Variants in IQCJ observed in about 807,000 individuals in gnomAD.
The protein encoded by IQCJ is IQ domain-containing protein J.
A neutral mutation model predicts 11.0 loss-of-function variants in IQCJ; 9 were observed. The ratio of observed to expected loss-of-function variants is 0.82; its 90% CI spans 0.49 to 1.43. The LOEUF is 1.43. IQCJ is among the 40% of genes most tolerant of loss of function. The probability of loss-of-function intolerance (pLI) is 0.00; values close to 1 mark genes in which losing one functional copy is unlikely to be tolerated. For missense variants in IQCJ, 146 were observed against 133.2 expected, an observed-to-expected ratio of 1.10 and a Z score of -0.47; for synonymous variants, 55 against 51.3, an observed-to-expected ratio of 1.07 and a Z score of -0.31.
At chr3:159,104,427 G>C (rs1718120997) in intron 1 of IQCJ, among the ~76,000 whole-genome samples, 1 of 152,196 alleles carries the variant, frequency 6.6e-6, no homozygotes, top group Non-Finnish European at 1.5e-5. Context: ...AAAATACATA[G>C]TCACTGTGTG....
chr3:159,174,792 AGTAT>A lies in IQCJ; in HGVS notation c.10-71050_10-71047del, dbSNP rs369252344. ...TGATTTATTGTGTGCATTATTTTGTAGTATTTTTTTTTCTTAGCCATGTTATTGA... is the reference window on the plus strand; with the variant it reads ...TGATTTATTGTGTGCATTATTTTGTATTTTTTTTCTTAGCCATGTTATTGA... On this transcript the variant is annotated intron_variant, in intron 1 of 3. Transcript: ENST00000397832. 4.5e-3 allele frequency among the ~76,000 whole-genome samples: 687 copies of A among 152,160 alleles called. 4 individuals are homozygous for A. The highest frequency in any genetic ancestry group is 0.013 in the African/African-American group (528 of 41,534).
At chr3:159,148,452 A>G (rs561537424) in intron 1 of IQCJ, among the ~76,000 whole-genome samples, 2 of 152,312 alleles carry the variant, frequency 1.3e-5, no homozygotes, top group East Asian at 1.9e-4. Context: ...TCAGTTCTCA[A>G]TATGTTTATT....
chr3:159,230,082 C>A (rs1726157734), intron 1 of IQCJ, among the ~76,000 whole-genome samples: 1 of 151,142 alleles, frequency 6.6e-6, no homozygotes, highest in South Asian at 2.1e-4. Flanking sequence ...GTTTATTGTA[C>A]CTATTTATGT....
rs1728336923 is a variant in IQCJ at position 159,263,535 on chromosome 3, A to G, written c.*804A>G. 2.0e-6 allele frequency: 2 copies of G among 985,138 alleles called. No homozygotes were observed. The highest frequency in any genetic ancestry group is 1.7e-5 in the African/African-American group (1 of 57,352). The allele number at this position is 985,138 out of a possible 1,614,324, so 61.0% of individuals were successfully genotyped here. On this transcript the variant is annotated 3_prime_UTR_variant, in exon 4 of 4. Transcript: ENST00000397832. The stretch of plus-strand genomic sequence containing the variant: ...GGATTTAAGCATTGTGATAATTTGT[A>G]ACCAGTCACTGAAATGCTGAAAAGT...
chr3:159,118,166 C>T (rs1328757506), intron 1 of IQCJ, among the ~76,000 whole-genome samples: 1 of 152,070 alleles, frequency 6.6e-6, no homozygotes. Flanking sequence ...TTTTAAGGTA[C>T]TAAACTCAAA....
chr3:159,090,089 T>C (rs1336272135), intron 1 of IQCJ, among the ~76,000 whole-genome samples: 1 of 151,744 alleles, frequency 6.6e-6, no homozygotes, highest in Non-Finnish European at 1.5e-5. Context: ...GATGTAAAGA[T>C]GGGTTTTTGG....
intron 2 of IQCJ, among the ~76,000 whole-genome samples, chr3:159,248,551 T>C (rs1727406707): frequency 6.6e-6 from 1 of 152,220 alleles, no homozygotes; most frequent in African/African-American, 2.4e-5. Context: ...AGATCAGTTA[T>C]TTTTCACCTT....
At chr3:159,180,314 G>C (rs544543022) in intron 1 of IQCJ, among the ~76,000 whole-genome samples, 7,279 of 151,980 alleles carry the variant, frequency 0.048, 565 homozygotes, top group African/African-American at 0.17. Context: ...GTCTCTCTCT[G>C]TCACACACAC....
rs557130547 is a variant in IQCJ at position 159,093,980 on chromosome 3, A to G, written c.9+24539A>G. ...AGATGAGATTTTGGGTGGGGCACAGACAAATCATATCAGCCAGTAAGAAGC... is the reference window on the plus strand; with the variant it reads ...AGATGAGATTTTGGGTGGGGCACAGGCAAATCATATCAGCCAGTAAGAAGC... On this transcript the variant is annotated intron_variant, in intron 1 of 3. Coordinates refer to ENST00000397832, the MANE Select transcript of IQCJ (RefSeq NM_001042706.3). 3.9e-5 allele frequency among the ~76,000 whole-genome samples: 6 copies of G among 151,968 alleles called. No homozygotes were observed. In the Middle Eastern group the frequency reaches 0.02, roughly 517 times the overall value.
intron 1 of IQCJ, among the ~76,000 whole-genome samples, chr3:159,228,562 G>A (rs536563931): frequency 1.3e-5 from 2 of 152,100 alleles, no homozygotes; most frequent in South Asian, 4.2e-4. Flanking sequence ...AGGCCGAGGC[G>A]GGCGGATCAC....
chr3:159,263,570 G>T lies in IQCJ; in HGVS notation c.*839G>T. 1 of 985,176 alleles carries T rather than the reference G, an allele frequency of 1.0e-6. No homozygotes were observed. Among genetic ancestry groups the T allele is most frequent in the Non-Finnish European group, 1.2e-6 (1 of 829,732 alleles). The allele number at this position is 985,176 out of a possible 1,614,324, so 61.0% of individuals were successfully genotyped here. A position where few individuals can be genotyped will look rare whatever the true frequency, so the allele number is the denominator to read the frequency against. On this transcript the variant is annotated 3_prime_UTR_variant, in exon 4 of 4. Coordinates refer to ENST00000397832, the MANE Select transcript of IQCJ (RefSeq NM_001042706.3). ...TGAAATGCTGAAAAGTTAGAGAAATGAAGTAATTACACAAGTATATTACTT... is the reference window on the plus strand; with the variant it reads ...TGAAATGCTGAAAAGTTAGAGAAATTAAGTAATTACACAAGTATATTACTT...
intron 1 of IQCJ, among the ~76,000 whole-genome samples, chr3:159,162,632 G>T (rs574967701): frequency 3.9e-5 from 6 of 152,192 alleles, no homozygotes; most frequent in African/African-American, 1.2e-4. Context: ...ATGAATCCAG[G>T]AGCTGGTTTT....
intron 1 of IQCJ, among the ~76,000 whole-genome samples, chr3:159,181,650 C>T (rs1209128996): frequency 6.6e-6 from 1 of 151,554 alleles, no homozygotes; most frequent in Non-Finnish European, 1.5e-5. Flanking sequence ...TTACCTATCA[C>T]AGTGAATTGC....
At chr3:159,087,805 C>G (rs1333494079) in intron 1 of IQCJ, among the ~76,000 whole-genome samples, 1 of 151,688 alleles carries the variant, frequency 6.6e-6, no homozygotes, top group Non-Finnish European at 1.5e-5. Context: ...TGAGTCTTCT[C>G]TCTTTTTTTC....
intron 1 of IQCJ, among the ~76,000 whole-genome samples, chr3:159,112,194 G>A (rs769423960): frequency 3.9e-5 from 6 of 152,122 alleles, no homozygotes; most frequent in Non-Finnish European, 7.3e-5. Flanking sequence ...ATATGACCAA[G>A]TAAGTGCTTG....
intron 1 of IQCJ, among the ~76,000 whole-genome samples, chr3:159,122,515 C>T (rs1458975646): frequency 6.6e-6 from 1 of 152,130 alleles, no homozygotes; most frequent in Non-Finnish European, 1.5e-5. Flanking sequence ...AACTCAGAGC[C>T]AATTTAGTGC....
intron 1 of IQCJ, among the ~76,000 whole-genome samples, chr3:159,234,005 A>C (rs1726426873): frequency 6.6e-6 from 1 of 152,162 alleles, no homozygotes; most frequent in Admixed American, 6.5e-5. Context: ...ACTTCTTTAC[A>C]AATGCCATGA....
intron 1 of IQCJ, among the ~76,000 whole-genome samples, chr3:159,187,048 A>C (rs573457209): frequency 4.7e-4 from 72 of 152,356 alleles, no homozygotes; most frequent in African/African-American, 1.6e-3. Flanking sequence ...TGCTTTGAAG[A>C]CACTGGATTA....
At chr3:159,174,533 T>C (rs1722668119) in intron 1 of IQCJ, among the ~76,000 whole-genome samples, 1 of 152,116 alleles carries the variant, frequency 6.6e-6, no homozygotes, top group Non-Finnish European at 1.5e-5. Flanking sequence ...ATTAAGAATA[T>C]ATCTAAAATA....
Sources: gnomAD v4.1 joint callset for allele counts (sites outside exome capture counted in the v4.1 genomes callset) on GRCh38, gnomAD v4.1.1 for gene constraint, MANE v1.5 for transcripts, NCBI Gene and HGNC (gene_info 2026-07-23, HGNC 2026-07-21) for gene names.